Variants in ASPRV1 observed in about 807,000 individuals in gnomAD.
ASPRV1 encodes the protein aspartic peptidase retroviral like 1.
ASPRV1 carries 7 observed loss-of-function variants against 11.0 expected under a neutral mutation model. The observed-to-expected ratio is 0.64, with a 90% CI of 0.36 to 1.20. The LOEUF (loss-of-function observed/expected upper bound fraction) is 1.20. ASPRV1 is among the 50% of genes most tolerant of loss of function. ASPRV1 has a pLI of 0.02. For missense variants in ASPRV1, 299 were observed against 320.0 expected (o/e 0.93, Z 0.50); for synonymous variants, 136 against 138.4 (o/e 0.98, Z 0.12).
the ASPRV1 span, among the ~76,000 whole-genome samples, chr2:70,078,453 G>C: frequency 6.6e-6 from 1 of 152,214 alleles, no homozygotes; most frequent in Admixed American, 6.5e-5. Context: ...GAAAGCAGAA[G>C]GCAGAGAGAT....
the ASPRV1 span, among the ~76,000 whole-genome samples, chr2:70,079,664 AG>A: frequency 1.3e-5 from 2 of 152,236 alleles, no homozygotes; most frequent in Non-Finnish European, 2.9e-5. Flanking sequence ...AAGTGAAGCT[AG>A]GGTGCAACAG....
At chr2:70,037,715 C>T in the ASPRV1 span, among the ~76,000 whole-genome samples, 1 of 151,708 alleles carries the variant, frequency 6.6e-6, no homozygotes, top group Non-Finnish European at 1.5e-5. Context: ...TTGTCATGTA[C>T]TTTTGCTTAT....
downstream of ASPRV1, among the ~76,000 whole-genome samples, chr2:69,957,656 GTC>G (rs938792105): frequency 2.0e-5 from 3 of 151,906 alleles, no homozygotes; most frequent in African/African-American, 7.3e-5. Context: ...GGGATGGAGA[GTC>G]TGTATTCCCA....
the ASPRV1 span, among the ~76,000 whole-genome samples, chr2:69,995,622 C>T: frequency 4.6e-5 from 7 of 152,102 alleles, no homozygotes; most frequent in Non-Finnish European, 1.0e-4. Flanking sequence ...ACTAGCCTCA[C>T]CTGGAAGGGA....
the ASPRV1 span, among the ~76,000 whole-genome samples, chr2:70,013,550 A>T: frequency 3.3e-5 from 5 of 152,178 alleles, no homozygotes; most frequent in Non-Finnish European, 5.9e-5. Context: ...TGATACTACT[A>T]TTATCTACAT....
chr2:69,957,743 T>C (rs1677972383), downstream of ASPRV1, among the ~76,000 whole-genome samples: 1 of 152,038 alleles, frequency 6.6e-6, no homozygotes, highest in Non-Finnish European at 1.5e-5. Flanking sequence ...CAGGGGTAGA[T>C]GCCACTGGAA....
At chr2:69,933,465 G>C in the ASPRV1 span, among the ~76,000 whole-genome samples, 1 of 151,650 alleles carries the variant, frequency 6.6e-6, no homozygotes, top group Non-Finnish European at 1.5e-5. Context: ...CTCTGACTCT[G>C]CCACATGGAC....
the ASPRV1 span, chr2:70,054,195 G>A: frequency 6.6e-6 from 1 of 152,484 alleles, no homozygotes; most frequent in South Asian, 2.1e-4. Context: ...AGGAGGCTGA[G>A]GCAGGAGAAT....
At chr2:69,956,478 A>AGAAGAAGAAGAAGAAG (rs780393687), downstream of ASPRV1, among the ~76,000 whole-genome samples, 5 of 124,448 alleles carry the variant, frequency 4.0e-5, no homozygotes, top group East Asian at 2.6e-4. Context: ...AAGAAGAAGA[A>AGAAGAAGAAGAAGAAG]AAGAGGAAGA....
At chr2:70,048,085 G>GA in the ASPRV1 span, among the ~76,000 whole-genome samples, 7 of 133,274 alleles carry the variant, frequency 5.3e-5, no homozygotes, top group Middle Eastern at 4.9e-3. Context: ...CTCCAGCCTG[G>GA]TGACAGAGCG....
chr2:70,007,600 A>C, the ASPRV1 span, among the ~76,000 whole-genome samples: 2 of 151,570 alleles, frequency 1.3e-5, no homozygotes, highest in African/African-American at 4.8e-5. Context: ...TATATAATAG[A>C]AAAATTGTGC....
the ASPRV1 span, among the ~76,000 whole-genome samples, chr2:70,062,085 C>T: frequency 2.0e-5 from 3 of 151,344 alleles, no homozygotes; most frequent in South Asian, 4.2e-4. Flanking sequence ...GTCAGGAGTT[C>T]GAGACCAGCC....
chr2:69,961,682 T>TC, upstream of ASPRV1: 2 of 1,537,264 alleles, frequency 1.3e-6, no homozygotes, highest in Non-Finnish European at 1.8e-6. Flanking sequence ...GCCCCTGGGC[T>TC]CCCCATTCTC....
At chr2:70,063,544 A>G in the ASPRV1 span, among the ~76,000 whole-genome samples, 3 of 152,190 alleles carry the variant, frequency 2.0e-5, no homozygotes, top group African/African-American at 7.2e-5. Context: ...GTCTGAAGGA[A>G]GCTCCAGGAC....
At chr2:70,059,072 T>A in the ASPRV1 span, among the ~76,000 whole-genome samples, 1 of 150,846 alleles carries the variant, frequency 6.6e-6, no homozygotes, top group South Asian at 2.1e-4. Context: ...TATTTTTTTT[T>A]AGTAGAGACA....
chr2:70,080,348 A>G, the ASPRV1 span, among the ~76,000 whole-genome samples: 1 of 151,546 alleles, frequency 6.6e-6, no homozygotes, highest in Non-Finnish European at 1.5e-5. Context: ...TACCTCAGCC[A>G]CCCAAGTAGC....
the ASPRV1 span, among the ~76,000 whole-genome samples, chr2:70,060,451 G>A: frequency 6.6e-6 from 1 of 151,962 alleles, no homozygotes; most frequent in Non-Finnish European, 1.5e-5. Context: ...AGGACAAGAA[G>A]GAATCTGCCA....
At chr2:70,030,200 G>T in the ASPRV1 span, 5 of 152,220 alleles carry the variant, frequency 3.3e-5, no homozygotes, top group African/African-American at 1.2e-4. Context: ...TGGGCCCTGG[G>T]AAACACTCCC....
the ASPRV1 span, among the ~76,000 whole-genome samples, chr2:70,078,506 T>C: frequency 6.6e-6 from 1 of 152,196 alleles, no homozygotes; most frequent in Non-Finnish European, 1.5e-5. Flanking sequence ...ATTTCACTGA[T>C]TAAGTGACAG....
Sources: allele counts gnomAD v4.1 joint callset (sites outside exome capture counted in the v4.1 genomes callset), GRCh38; gene constraint gnomAD v4.1.1; transcripts MANE v1.5; gene names NCBI Gene and HGNC (gene_info 2026-07-23, HGNC 2026-07-21).